RIC3: variants seen among roughly 807,000 people sequenced by gnomAD.
The protein encoded by RIC3 is RIC3 acetylcholine receptor chaperone.
RIC3 carries 28 observed loss-of-function variants against 27.3 expected under a neutral mutation model. The ratio of observed to expected loss-of-function variants is 1.02; its 90% CI spans 0.76 to 1.41. RIC3 has a LOEUF of 1.41. Ranked by LOEUF, RIC3 falls within the 40% of genes most tolerant of loss-of-function variation. The pLI is 0.00. For missense variants in RIC3, 501 were observed against 444.7 expected (o/e 1.13, Z -1.14); for synonymous variants, 184 against 160.4 (o/e 1.15, Z -1.11).
chr11:8,095,743 G>A, the RIC3 span: 2 of 1,456,444 alleles, frequency 1.4e-6, no homozygotes, highest in South Asian at 2.7e-5. Flanking sequence ...TGGGAGCATG[G>A]CCTTCCTGTG....
intron 1 of RIC3, among the ~76,000 whole-genome samples, chr11:8,164,844 C>T (rs1387569171): frequency 6.8e-6 from 1 of 146,674 alleles, no homozygotes; most frequent in Admixed American, 6.8e-5. Context: ...GTTAAAAGGA[C>T]CTGAATAGAC....
chr11:8,094,253 G>A, the RIC3 span: 1 of 1,522,432 alleles, frequency 6.6e-7, no homozygotes, highest in South Asian at 1.3e-5. Flanking sequence ...GCTGGGGAAG[G>A]TTTGTCCTCC....
intron 2 of RIC3, chr11:8,139,711 G>GATCC (rs1268548893): frequency 4.2e-6 from 1 of 237,998 alleles, no homozygotes; most frequent in African/African-American, 2.9e-5. Flanking sequence ...AGAACCAAAA[G>GATCC]ATCCATGTTC....
chr11:8,125,202 C>A (rs1350048317), intron 5 of RIC3, among the ~76,000 whole-genome samples: 11 of 149,350 alleles, frequency 7.4e-5, no homozygotes, highest in African/African-American at 2.2e-4. Flanking sequence ...TACAGTGAGC[C>A]GAGATGGCAC....
intron 1 of RIC3, among the ~76,000 whole-genome samples, chr11:8,158,181 C>T (rs866035924): frequency 8.6e-5 from 13 of 151,994 alleles, no homozygotes; most frequent in African/African-American, 3.1e-4. Flanking sequence ...TATTTATATA[C>T]ACATATACAT....
chr11:8,100,473 A>G, the RIC3 span: 2 of 1,577,366 alleles, frequency 1.3e-6, no homozygotes, highest in Non-Finnish European at 1.7e-6. Context: ...TAGACGCCTC[A>G]GGTGGCCAGT....
intron 1 of RIC3, among the ~76,000 whole-genome samples, chr11:8,147,864 A>G (rs57414078): frequency 0.048 from 7,277 of 151,408 alleles, 269 homozygotes; most frequent in African/African-American, 0.1. Flanking sequence ...AGTAGCTGGG[A>G]TTACAGGCAT....
intron 1 of RIC3, among the ~76,000 whole-genome samples, chr11:8,159,774 T>C (rs1951007987): frequency 6.6e-6 from 1 of 152,112 alleles, no homozygotes; most frequent in African/African-American, 2.4e-5. Flanking sequence ...GCAGATCATC[T>C]GAGGTCAAGG....
At chr11:8,096,979 G>C in the RIC3 span, among the ~76,000 whole-genome samples, 1 of 152,092 alleles carries the variant, frequency 6.6e-6, no homozygotes, top group Non-Finnish European at 1.5e-5. Flanking sequence ...GGTGATGTAT[G>C]GGGGGAGATG....
chr11:8,141,950 C>G (rs1232772870), intron 1 of RIC3, among the ~76,000 whole-genome samples: 3 of 151,648 alleles, frequency 2.0e-5, no homozygotes, highest in Admixed American at 6.6e-5. Flanking sequence ...GAAACGAAGG[C>G]AGAAATAAAG....
At chr11:8,122,539 T>C (rs1221954182) in intron 5 of RIC3, among the ~76,000 whole-genome samples, 1 of 152,272 alleles carries the variant, frequency 6.6e-6, no homozygotes, top group Non-Finnish European at 1.5e-5. Flanking sequence ...ATTAAGCTGC[T>C]ATAAATATTC....
At chr11:8,098,220 T>G in the RIC3 span, among the ~76,000 whole-genome samples, 1 of 145,438 alleles carries the variant, frequency 6.9e-6, no homozygotes, top group Non-Finnish European at 1.5e-5. Context: ...GGGGCAGTGG[T>G]GAAGGGGCAG....
At chr11:8,115,743 G>A (rs1945785871) in intron 5 of RIC3, among the ~76,000 whole-genome samples, 1 of 152,180 alleles carries the variant, frequency 6.6e-6, no homozygotes, top group Non-Finnish European at 1.5e-5. Flanking sequence ...GAAAGAAATT[G>A]AAGAAGACAC....
chr11:8,105,755 A>G (rs1473682659), downstream of RIC3: 1 of 152,168 alleles, frequency 6.6e-6, no homozygotes, highest in African/African-American at 2.4e-5. Context: ...CTTTCCTAAG[A>G]AAGACATCAC....
intron 5 of RIC3, among the ~76,000 whole-genome samples, chr11:8,115,023 A>G (rs1183455039): frequency 1.3e-5 from 2 of 152,184 alleles, no homozygotes; most frequent in Non-Finnish European, 2.9e-5. Flanking sequence ...AGGGATAGAA[A>G]GCTTAAAGAA....
At chr11:8,135,681 C>T (rs944897292) in intron 4 of RIC3, 1 of 152,166 alleles carries the variant, frequency 6.6e-6, no homozygotes, top group Admixed American at 6.6e-5. Flanking sequence ...TGTAGTTCTC[C>T]TTGAAGAGGT....
At chr11:8,150,595 T>C (rs1950129571) in intron 1 of RIC3, among the ~76,000 whole-genome samples, 1 of 152,074 alleles carries the variant, frequency 6.6e-6, no homozygotes, top group African/African-American at 2.4e-5. Flanking sequence ...AGTGAATGGT[T>C]CCCAATACCA....
the RIC3 span, among the ~76,000 whole-genome samples, chr11:8,099,355 A>G: frequency 0.87 from 131,722 of 152,114 alleles, 57,477 homozygotes; most frequent in Non-Finnish European, 0.92. Context: ...ATATAAATAT[A>G]GGGGATTACT....
At chr11:8,147,084 C>G (rs1949761384) in intron 1 of RIC3, among the ~76,000 whole-genome samples, 1 of 152,174 alleles carries the variant, frequency 6.6e-6, no homozygotes, top group Non-Finnish European at 1.5e-5. Flanking sequence ...AAAGGCTAAT[C>G]AGAAATTCAA....
Sources: allele counts gnomAD v4.1 joint callset (sites outside exome capture counted in the v4.1 genomes callset), GRCh38; gene constraint gnomAD v4.1.1; transcripts MANE v1.5; gene names NCBI Gene and HGNC (gene_info 2026-07-23, HGNC 2026-07-21).